SIM1: variants seen among roughly 807,000 people sequenced by gnomAD.
The protein encoded by SIM1 is SIM bHLH transcription factor 1.
In SIM1, 18 loss-of-function variants were observed where a neutral mutation model predicts 78.2. That is an observed-to-expected ratio of 0.23 (90% CI 0.16 to 0.34). The LOEUF (loss-of-function observed/expected upper bound fraction) is 0.34, where lower values mean the gene tolerates loss of function less well. Among genes scored for constraint, SIM1 ranks in the 10% least tolerant of loss-of-function variants. SIM1 has a pLI of 1.00. For synonymous variants in SIM1, 417 were observed against 385.2 expected (o/e 1.08, Z -0.97); for missense variants, 939 against 975.1 (o/e 0.96, Z 0.49).
At position 100,448,591 on chromosome 6, in the gene SIM1, C is replaced by T; in HGVS notation, c.631G>A (p.Val211Met). The T allele has an allele frequency of 6.2e-7, 1 of 1,614,116 alleles. No individual in the cohort carries two copies. Reference sequence around the variant, plus strand: ...GGAGGCAGCGAGTGGCCCACGGCCACCAGGCCCACGTTTTGGTAGCAGCCG... The same window carrying T: ...GGAGGCAGCGAGTGGCCCACGGCCATCAGGCCCACGTTTTGGTAGCAGCCG... ...FDGCYQNVGL[V>M]AVGHSLPPSA... The change falls in exon 7 of 12, where the codon GTG becomes ATG. Residue 211 changes from valine to methionine, a missense_variant. Coordinates refer to ENST00000369208, the MANE Select transcript of SIM1 (RefSeq NM_005068.3).
chr6:100,438,024 T>C (rs1772101969), intron 9 of SIM1, among the ~76,000 whole-genome samples: 1 of 151,984 alleles, frequency 6.6e-6, no homozygotes, highest in Admixed American at 6.6e-5. Flanking sequence ...AAGATAACAT[T>C]GGAAAAACTC....
rs374914727 is a variant in SIM1, at chr6:100,450,351, C to T, written c.264G>A (p.Leu88=). 3.2e-5 allele frequency: 51 copies of T among 1,613,836 alleles called. 1 individual carries two copies. In the South Asian group the frequency reaches 5.1e-4, roughly 16 times the overall value. Residue 88 remains leucine, a synonymous_variant, in exon 4 of 12, where the codon CTG becomes CTA. Transcript: ENST00000369208. ...GGGCTACCACGAAGATGAAGCCATC[C>T]AGGGTCTGGGGAGGCACAAATAGAG... The part of the protein sequence containing the change: ...RELGSHLLQT[L]DGFIFVVAPD...
intron 2 of SIM1, among the ~76,000 whole-genome samples, chr6:100,459,456 T>C (rs1235948786): frequency 2.0e-5 from 3 of 152,072 alleles, no homozygotes; most frequent in Non-Finnish European, 2.9e-5. Context: ...TGTAAGAAAA[T>C]AAACATGGAA....
intron 9 of SIM1, among the ~76,000 whole-genome samples, chr6:100,429,106 C>T (rs1253072427): frequency 3.3e-5 from 5 of 152,214 alleles, no homozygotes; most frequent in East Asian, 3.9e-4. Context: ...CGGTAGCTCA[C>T]GCCTGTAATC....
At chr6:100,454,985 C>A (rs1296181931) in intron 2 of SIM1, among the ~76,000 whole-genome samples, 1 of 152,120 alleles carries the variant, frequency 6.6e-6, no homozygotes, top group Non-Finnish European at 1.5e-5. Context: ...CCATCCCACC[C>A]CTCAGAAAGG....
intron 10 of SIM1, among the ~76,000 whole-genome samples, chr6:100,417,574 G>A (rs764243221): frequency 1.3e-5 from 2 of 152,174 alleles, no homozygotes; most frequent in Non-Finnish European, 2.9e-5. Context: ...TTTTTGAGAA[G>A]CTAATTTAAA....
At chr6:100,441,823 T>C (rs1772225286) in intron 9 of SIM1, among the ~76,000 whole-genome samples, 1 of 152,220 alleles carries the variant, frequency 6.6e-6, no homozygotes, top group Non-Finnish European at 1.5e-5. Flanking sequence ...AGAGGCAGCT[T>C]CTTAATCTTC....
chr6:100,461,841 C>CTTTTTTTTTTTTTTTTTT (rs10522700), intron 2 of SIM1, among the ~76,000 whole-genome samples: 7 of 113,332 alleles, frequency 6.2e-5, no homozygotes, highest in Non-Finnish European at 1.1e-4. Flanking sequence ...TTCTTTCTTT[C>CTTTTTTTTTTTTTTTTTT]TTTTTTTTTT....
intron 9 of SIM1, among the ~76,000 whole-genome samples, chr6:100,443,075 A>G (rs1227342889): frequency 1.3e-5 from 2 of 151,454 alleles, no homozygotes; most frequent in Admixed American, 6.6e-5. Context: ...TTTTTTTTTC[A>G]TTGACATGAA....
In SIM1 at chr6:100,463,771, G is replaced by A; in HGVS notation, c.-303C>T. ...TCGTTCAGGGTATCAAATGCCAGTG[G>A]GACCCCTGAGGAGCCAGCCTTTTCT... On this transcript the variant is annotated 5_prime_UTR_variant, in exon 2 of 12. Coordinates refer to ENST00000369208, the MANE Select transcript of SIM1 (RefSeq NM_005068.3). 1 of 246,796 alleles carries A rather than the reference G, an allele frequency of 4.1e-6. No individual in the cohort carries two copies. 15.3% of individuals were successfully genotyped at this position (246,796 alleles called of 1,614,324 possible).
chr6:100,463,122 C>G (rs912395458), intron 2 of SIM1, 172 bp downstream of exon 2: 2 of 548,972 alleles, frequency 3.6e-6, no homozygotes, highest in African/African-American at 1.9e-5. Context: ...AAAAAAGCGA[C>G]AGAAATTCTG....
chr6:100,415,861 T>C (rs1389742486), intron 10 of SIM1, among the ~76,000 whole-genome samples: 1 of 151,680 alleles, frequency 6.6e-6, no homozygotes, highest in African/African-American at 2.4e-5. Context: ...CAGAGGGAGG[T>C]GGTGGGAAAG....
chr6:100,447,222 G>A (rs369898060), intron 9 of SIM1, 46 bp downstream of exon 9: 8 of 1,597,522 alleles, frequency 5.0e-6, no homozygotes, highest in Middle Eastern at 1.8e-4. Context: ...CTCGCAGAGA[G>A]CAGGGTCGCC....
At position 100,448,661 on chromosome 6, in the gene SIM1, G is replaced by C. The variant is rs1375027158; in HGVS notation, c.561C>G (p.Gly187=). 1 of 1,611,956 alleles carries C rather than the reference G, an allele frequency of 6.2e-7. No individual in the cohort carries two copies. The highest frequency in any genetic ancestry group is 8.5e-7 in the Non-Finnish European group (1 of 1,179,980). The part of the protein sequence containing the change: ...CGGYKVIHCS[G]YLKIRQYSLD... ...GGCTGTACTGGCGGATCTTCAAGTA[G>C]CCGCTGCAGTGGATGACCTGAGGCA... Residue 187 remains glycine, a synonymous_variant, in exon 7 of 12, where the codon GGC becomes GGG. Coordinates refer to ENST00000369208, the MANE Select transcript of SIM1 (RefSeq NM_005068.3).
chr6:100,455,570 G>C (rs562971723), intron 2 of SIM1, among the ~76,000 whole-genome samples: 1 of 152,314 alleles, frequency 6.6e-6, no homozygotes, highest in African/African-American at 2.4e-5. Context: ...GGGATTGGCT[G>C]CGGAGGCCAC....
chr6:100,426,080 A>G (rs1434866316), intron 9 of SIM1, among the ~76,000 whole-genome samples: 1 of 152,196 alleles, frequency 6.6e-6, no homozygotes, highest in Admixed American at 6.5e-5. Flanking sequence ...GGCACATGCC[A>G]TTTGACATAT....
Position 100,449,705 on chromosome 6 carries a change from A to C in SIM1, c.349-6T>G. 6.2e-7 allele frequency: 1 copy of C among 1,611,860 alleles called. No homozygotes were observed. Among genetic ancestry groups the C allele is most frequent in the Non-Finnish European group, 8.5e-7 (1 of 1,178,734 alleles). ...CTGTTTCCGGTCAGCTCTACCTGTA[A>C]AGAGGAGGATGTCGCCGTCGCCGTG... On this transcript the variant is annotated splice_region_variant and splice_polypyrimidine_tract_variant and intron_variant, in intron 4 of 11. Transcript: ENST00000369208.
rs138546433 is a variant in SIM1, at chr6:100,449,665, A to G, written c.383T>C (p.Ile128Thr). ...CATCTCGTCGTGGTCTGCCGGGTGA[A>G]TGTATTCATAAATGCTGTTTCCGGT... ...ELTGNSIYEY[I>T]HPADHDEMTA... The change falls in exon 5 of 12, where the codon ATT becomes ACT. Residue 128 changes from isoleucine to threonine, a missense_variant. This residue lies in a region of SIM1 where 187 missense variants were observed against 191.6 expected (regional missense o/e 0.98). Transcript: ENST00000369208. 1.3e-3 allele frequency: 2,104 copies of G among 1,614,060 alleles called. 8 individuals carry two copies. Among genetic ancestry groups the G allele is most frequent in the Non-Finnish European group, 1.2e-3 (1,394 of 1,180,008 alleles).
chr6:100,401,320 A>G lies in SIM1; in HGVS notation c.1168-7431T>C, dbSNP rs551428901. Reference sequence around the variant, plus strand: ...GAAAGAGGCATGAAAATTAAATGCAATATAGACTCTTGGACTAAGTCTTGT... The same window carrying G: ...GAAAGAGGCATGAAAATTAAATGCAGTATAGACTCTTGGACTAAGTCTTGT... On this transcript the variant is annotated intron_variant, in intron 10 of 11. Coordinates refer to ENST00000369208, the MANE Select transcript of SIM1 (RefSeq NM_005068.3). Among the ~76,000 whole-genome samples the G allele has an allele frequency of 7.9e-5, 12 of 152,304 alleles. No homozygotes were observed. In the South Asian group the frequency reaches 2.1e-3, roughly 26 times the overall value.
Sources: gnomAD v4.1 joint callset for allele counts (sites outside exome capture counted in the v4.1 genomes callset) on GRCh38, gnomAD v4.1.1 for gene constraint, gnomAD v4.1.1 regional missense constraint, MANE v1.5 for transcripts, NCBI Gene and HGNC (gene_info 2026-07-23, HGNC 2026-07-21) for gene names.